Variants in TEK observed in about 807,000 individuals in gnomAD.
TEK encodes angiopoietin-1 receptor.
TEK carries 43 observed loss-of-function variants against 131.8 expected under a neutral mutation model. That is an observed-to-expected ratio of 0.33 (90% CI 0.26 to 0.42). The LOEUF (loss-of-function observed/expected upper bound fraction) is 0.42. Ranked by LOEUF, TEK falls within the 10% of genes least tolerant of loss-of-function variation. The pLI, the probability that TEK is intolerant of heterozygous loss-of-function variation, is 1.00. For synonymous variants in TEK, 580 were observed against 491.6 expected (o/e 1.18, Z -2.38); for missense variants, 1,162 against 1,384.4 (o/e 0.84, Z 2.55).
intron 1 of TEK, among the ~76,000 whole-genome samples, chr9:27,142,023 A>C (rs989151880): frequency 3.9e-5 from 6 of 152,220 alleles, no homozygotes. Flanking sequence ...AGAGAAGGGC[A>C]TCCTTGGCAG....
chr9:27,210,447 G>T, intron 16 of TEK: 1 of 200,174 alleles, frequency 5.0e-6, no homozygotes, highest in Non-Finnish European at 1.0e-5. Flanking sequence ...GAAGCCAAGT[G>T]GCCGTGGTGG....
intron 1 of TEK, among the ~76,000 whole-genome samples, chr9:27,137,556 GCTTTTTA>G (rs1311230154): frequency 6.6e-6 from 1 of 151,942 alleles, no homozygotes; most frequent in African/African-American, 2.4e-5. Context: ...GATAAGTTAG[GCTTTTTA>G]CTTTTTGAGT....
At chr9:27,226,579 G>T (rs1332473416) in intron 21 of TEK, among the ~76,000 whole-genome samples, 4 of 151,816 alleles carry the variant, frequency 2.6e-5, no homozygotes, top group East Asian at 1.9e-4. Context: ...CTATCGGGGG[G>T]TGGGGGCTAG....
chr9:27,196,510 T>G (rs759482748), intron 11 of TEK, among the ~76,000 whole-genome samples: 12 of 152,192 alleles, frequency 7.9e-5, no homozygotes, highest in Non-Finnish European at 1.5e-4. Flanking sequence ...CACCCTTGTA[T>G]TAGTCTGTAC....
Position 27,158,015 on chromosome 9 carries a change from C to A in TEK, c.237C>A (p.Thr79=), listed in dbSNP as rs1823402049. 3 of 1,613,872 alleles carry A rather than the reference C, an allele frequency of 1.9e-6. No individual in the cohort carries two copies. In the African/African-American group the frequency reaches 4.0e-5, roughly 22 times the overall value. The change falls in exon 2 of 23, where the codon ACC becomes ACA. Residue 79 remains threonine, a synonymous_variant. Transcript: ENST00000380036. ...QDPLEVTQDV[T]REWAKKVVWK... The stretch of plus-strand genomic sequence containing the variant: ...CGCTGGAAGTTACTCAAGATGTGAC[C>A]AGAGAATGGGCTAAAAAAGTTGTTT...
Position 27,183,439 on chromosome 9 carries a change from G to C in TEK, c.1031-20G>C. 6.2e-7 allele frequency: 1 copy of C among 1,613,082 alleles called. No individual in the cohort carries two copies. Among genetic ancestry groups the C allele is most frequent in the Non-Finnish European group, 8.5e-7 (1 of 1,179,236 alleles). ...GCTCTGTTAAATATTAGATTTCACA[G>C]TGCTGTTTTCTTCCTTCAGGCATAC... On this transcript the variant is annotated intron_variant, in intron 7 of 22. Coordinates refer to ENST00000380036, the MANE Select transcript of TEK (RefSeq NM_000459.5).
intron 2 of TEK, among the ~76,000 whole-genome samples, chr9:27,158,937 G>A (rs1564066900): frequency 6.6e-6 from 1 of 152,196 alleles, no homozygotes; most frequent in East Asian, 1.9e-4. Context: ...GGGATTACAG[G>A]CGTGAGCCAC....
chr9:27,221,447 G>T (rs1010693048), intron 21 of TEK, among the ~76,000 whole-genome samples: 10 of 142,998 alleles, frequency 7.0e-5, no homozygotes, highest in Admixed American at 6.2e-4. Context: ...CTCCTCATGT[G>T]GGTCCCTGAC....
At chr9:27,220,025 A>G (rs1825999843) in intron 20 of TEK, 24 bp from the exon 21 acceptor site, 1 of 1,611,412 alleles carries the variant, frequency 6.2e-7, no homozygotes, top group African/African-American at 1.3e-5. Context: ...GAGAGGACTT[A>G]GAGTGGCACT....
At chr9:27,174,509 G>C (rs1047170632) in intron 6 of TEK, among the ~76,000 whole-genome samples, 1 of 152,192 alleles carries the variant, frequency 6.6e-6, no homozygotes, top group African/African-American at 2.4e-5. Context: ...AAGTATTAAT[G>C]AGATATTTTA....
intron 4 of TEK, 102 bp downstream of exon 4, chr9:27,169,731 A>G (rs1273920829): frequency 2.0e-6 from 3 of 1,524,466 alleles, no homozygotes; most frequent in Non-Finnish European, 1.8e-6. Context: ...TTAAGCAAAA[A>G]CCAGGCATTG....
intron 2 of TEK, among the ~76,000 whole-genome samples, chr9:27,165,630 A>G (rs1438382748): frequency 6.6e-6 from 1 of 152,074 alleles, no homozygotes; most frequent in Non-Finnish European, 1.5e-5. Flanking sequence ...ATTACTAACA[A>G]CCTTTGAAGG....
At chr9:27,169,650 C>A (rs1022842712) in intron 4 of TEK, 21 bp downstream of exon 4, 5 of 1,613,650 alleles carry the variant, frequency 3.1e-6, no homozygotes, top group Non-Finnish European at 4.2e-6. Context: ...GAGAGGCCAC[C>A]ATTTGTGATG....
intron 1 of TEK, among the ~76,000 whole-genome samples, chr9:27,147,859 A>G (rs1329561773): frequency 6.6e-6 from 1 of 152,222 alleles, no homozygotes; most frequent in East Asian, 1.9e-4. Flanking sequence ...GACATTTTTG[A>G]CGTGAGATGG....
intron 10 of TEK, among the ~76,000 whole-genome samples, chr9:27,191,087 T>G (rs1824802501): frequency 6.6e-6 from 1 of 152,190 alleles, no homozygotes; most frequent in East Asian, 1.9e-4. Context: ...GCCTAAATCC[T>G]GGGGGTGATT....
chr9:27,207,469 T>G (rs1053437441), intron 15 of TEK, among the ~76,000 whole-genome samples: 4 of 152,252 alleles, frequency 2.6e-5, no homozygotes, highest in African/African-American at 9.6e-5. Flanking sequence ...AACTAAATCT[T>G]TTCCAGCTTT....
At chr9:27,208,809 AG>A (rs1413807208) in intron 15 of TEK, among the ~76,000 whole-genome samples, 1 of 152,246 alleles carries the variant, frequency 6.6e-6, no homozygotes, top group Non-Finnish European at 1.5e-5. Flanking sequence ...GTTCTCATCC[AG>A]GGGTGATTTT....
intron 22 of TEK, 21 bp from the exon 23 acceptor site, chr9:27,229,137 G>A (rs145514408): frequency 1.2e-6 from 2 of 1,612,688 alleles, no homozygotes; most frequent in Non-Finnish European, 1.7e-6. Flanking sequence ...CTATGTCTCT[G>A]AACCATTTTC....
At chr9:27,220,267 C>A in intron 21 of TEK, 122 bp downstream of exon 21, 2 of 819,292 alleles carry the variant, frequency 2.4e-6, no homozygotes, top group Non-Finnish European at 4.1e-6. Context: ...ACACAGAGAT[C>A]CCAAATAGGA....
Sources: gnomAD v4.1 joint callset for allele counts (sites outside exome capture counted in the v4.1 genomes callset) on GRCh38, gnomAD v4.1.1 for gene constraint, MANE v1.5 for transcripts, NCBI Gene and HGNC (gene_info 2026-07-23, HGNC 2026-07-21) for gene names.